The following ZNF415 variants were observed in gnomAD, a reference collection of about 807,000 sequenced individuals.
The protein encoded by ZNF415 is zinc finger protein 415.
ZNF415 carries 5 observed loss-of-function variants against 7.3 expected under a neutral mutation model. The observed-to-expected ratio is 0.69, with a 90% CI of 0.36 to 1.44. ZNF415 has a LOEUF of 1.44. ZNF415 is among the 40% of genes most tolerant of loss of function. ZNF415 has a pLI of 0.04. For synonymous variants in ZNF415, 207 were observed against 226.3 expected (o/e 0.91, Z 0.77); for missense variants, 628 against 664.8 (o/e 0.94, Z 0.61).
intron 1 of ZNF415, among the ~76,000 whole-genome samples, chr19:53,127,232 C>T (rs924348664): frequency 6.6e-6 from 1 of 151,894 alleles, no homozygotes; most frequent in Non-Finnish European, 1.5e-5. Flanking sequence ...TTAGGATCCC[C>T]GTTGCCCTCT....
chr19:53,109,481 AT>A lies in ZNF415; in HGVS notation c.563del (p.His188LeufsTer38), dbSNP rs1347779126. On this transcript the variant is annotated frameshift_variant, in exon 4 of 4. Transcript: ENST00000243643. LOFTEE classifies it low-confidence loss of function (END_TRUNC). ...PQIISSTIKT[H>X]VSNKYGTDFI... ...AATCAGTCCCATATTTATTAGAAAC[AT>A]GGGTTTTGATGGTAGAAGAAATTAT... 1 of 1,614,084 alleles carries A rather than the reference AT, an allele frequency of 6.2e-7. No individual in the cohort carries two copies. The highest frequency in any genetic ancestry group is 1.1e-5 in the South Asian group (1 of 91,074).
In ZNF415 at chr19:53,109,540, C is replaced by T. The variant is rs758537522; in HGVS notation, c.505G>A (p.Val169Ile). ...GGTGAAACTGAGGAACCATGGTTGA[C>T]AGACTTCTCAACATGGTTACATTCA... ...IYECNHVEKSVNHGSSVSPPQ... is the reference protein window; with the variant it reads ...IYECNHVEKSINHGSSVSPPQ... Residue 169 changes from valine to isoleucine, a missense_variant, in exon 4 of 4, where the codon GTC becomes ATC. By Grantham distance (29) the Val-to-Ile change is conservative. Coordinates refer to ENST00000243643, the MANE Select transcript of ZNF415 (RefSeq NM_018355.4). 9.3e-6 allele frequency: 15 copies of T among 1,613,996 alleles called. No homozygotes were observed. The South Asian group carries it at 1.5e-4, about 17-fold the overall frequency.
At chr19:53,113,254 ATCCC>A in intron 3 of ZNF415, among the ~76,000 whole-genome samples, 1 of 97,354 alleles carries the variant, frequency 1.0e-5, no homozygotes. Context: ...CACGCCTGTA[ATCCC>A]AGCACTTTGG....
intron 2 of ZNF415, among the ~76,000 whole-genome samples, chr19:53,119,750 AG>A (rs746137510): frequency 2.3e-4 from 35 of 152,034 alleles, no homozygotes; most frequent in Non-Finnish European, 4.6e-4. Context: ...GAAATATAAA[AG>A]ATCATCAGAG....
chr19:53,120,954 C>T (rs148763381), intron 2 of ZNF415, among the ~76,000 whole-genome samples: 3,203 of 151,432 alleles, frequency 0.021, 105 homozygotes, highest in African/African-American at 0.072. Flanking sequence ...TGTGGTGGCG[C>T]GTGCCTGTAA....
rs144250259 is a variant in ZNF415, at chr19:53,108,548, A to G, written c.1497T>C (p.Asn499=). The part of the protein sequence containing the change: ...IHTGEKPYKC[N]ECGKSFSVRP... Reference sequence around the variant, plus strand: ...GCACACTAAAGGATTTGCCACACTCATTACATTTGTAAGGTTTTTCTCCAG... The same window carrying G: ...GCACACTAAAGGATTTGCCACACTCGTTACATTTGTAAGGTTTTTCTCCAG... Residue 499 remains asparagine (N), a synonymous_variant, in exon 4 of 4, where the codon AAT becomes AAC. Coordinates refer to ENST00000243643, the MANE Select transcript of ZNF415 (RefSeq NM_018355.4). The G allele has an allele frequency of 1.8e-5, 29 of 1,614,022 alleles. No individual in the cohort carries two copies. The African/African-American group carries it at 3.2e-4, about 18-fold the overall frequency.
intron 2 of ZNF415, among the ~76,000 whole-genome samples, chr19:53,117,014 T>C (rs1250889525): frequency 1.3e-5 from 2 of 152,160 alleles, no homozygotes; most frequent in Non-Finnish European, 2.9e-5. Context: ...AACAAAATAA[T>C]AACCAAAAAC....
At chr19:53,120,838 C>G (rs964545103) in intron 2 of ZNF415, among the ~76,000 whole-genome samples, 1 of 152,026 alleles carries the variant, frequency 6.6e-6, no homozygotes, top group African/African-American at 2.4e-5. Flanking sequence ...CTAATCCCAG[C>G]ACTTTGGGAG....
intron 1 of ZNF415, chr19:53,129,853 C>A: frequency 2.7e-6 from 1 of 369,456 alleles, no homozygotes; most frequent in Non-Finnish European, 4.8e-6. Flanking sequence ...TACTTGAGGC[C>A]AGGAGTTTGA....
chr19:53,115,335 C>CAA (rs11434848), intron 3 of ZNF415: 123 of 192,382 alleles, frequency 6.4e-4, no homozygotes, highest in East Asian at 2.7e-3. Flanking sequence ...AACTCCATCT[C>CAA]AAAAAAAAAA....
chr19:53,113,496 A>G lies in ZNF415; in HGVS notation c.136+2817T>C, dbSNP rs576724507. Reference sequence around the variant, plus strand: ...CACTCCAGCCTGGGCGACAGAGCGAAACTCCGTCTCAAAAAAAAAAAAAAA... The same window carrying G: ...CACTCCAGCCTGGGCGACAGAGCGAGACTCCGTCTCAAAAAAAAAAAAAAA... On this transcript the variant is annotated intron_variant, in intron 3 of 3. Coordinates refer to ENST00000243643, the MANE Select transcript of ZNF415 (RefSeq NM_018355.4). 7.3e-3 allele frequency among the ~76,000 whole-genome samples: 167 copies of G among 22,852 alleles called. 38 individuals are homozygous for G. Among genetic ancestry groups the G allele is most frequent in the Non-Finnish European group, 0.013 (150 of 11,924 alleles). 15.0% of individuals were successfully genotyped at this position (22,852 alleles called of 152,430 possible).
Position 53,108,380 on chromosome 19 carries a change from A to G in ZNF415, c.1665T>C (p.Asn555=). Residue 555 remains asparagine (N), a synonymous_variant, in exon 4 of 4, where the codon AAT becomes AAC. Coordinates refer to ENST00000243643, the MANE Select transcript of ZNF415 (RefSeq NM_018355.4). ...IHTKEKPYKR[N] ...TTTGACTGAAGACCTTGCCATATTA[A>G]TTTCTTTTATAAGGTTTCTCCTTAG... The G allele has an allele frequency of 1.3e-6, 2 of 1,595,364 alleles. No homozygotes were observed. Among genetic ancestry groups the G allele is most frequent in the South Asian group, 2.3e-5 (2 of 87,956 alleles).
At chr19:53,122,548 A>C in intron 2 of ZNF415, 114 bp downstream of exon 2, 1 of 1,601,738 alleles carries the variant, frequency 6.2e-7, no homozygotes, top group South Asian at 1.1e-5. Flanking sequence ...CAATGTGAGC[A>C]AACGCGTCAG....
intron 3 of ZNF415, among the ~76,000 whole-genome samples, chr19:53,110,789 A>G (rs533940238): frequency 4.2e-4 from 64 of 152,324 alleles, no homozygotes; most frequent in African/African-American, 1.5e-3. Flanking sequence ...AGGTAAACAC[A>G]TAGCATTATA....
chr19:53,118,150 A>T (rs1295696109), intron 2 of ZNF415, among the ~76,000 whole-genome samples: 1 of 152,146 alleles, frequency 6.6e-6, no homozygotes, highest in Non-Finnish European at 1.5e-5. Flanking sequence ...AAGCAAGCAG[A>T]AGTACCTCTA....
intron 3 of ZNF415, among the ~76,000 whole-genome samples, chr19:53,115,498 G>C (rs2086882451): frequency 6.6e-6 from 1 of 152,070 alleles, no homozygotes; most frequent in Admixed American, 6.6e-5. Flanking sequence ...ATTTGTCTCT[G>C]TTTGAGCTGC....
chr19:53,119,154 C>T (rs565641377), intron 2 of ZNF415, among the ~76,000 whole-genome samples: 18 of 151,856 alleles, frequency 1.2e-4, no homozygotes, highest in African/African-American at 3.9e-4. Context: ...TGGTGGTGGG[C>T]GCCTGTAGTC....
chr19:53,131,915 C>T (rs1323820025), intron 1 of ZNF415, among the ~76,000 whole-genome samples: 1 of 151,850 alleles, frequency 6.6e-6, no homozygotes, highest in Non-Finnish European at 1.5e-5. Flanking sequence ...TCCTTGTCAT[C>T]GGCTGCCCCC....
intron 3 of ZNF415, among the ~76,000 whole-genome samples, chr19:53,113,086 T>A (rs371876065): frequency 7.0e-6 from 1 of 142,276 alleles, no homozygotes; most frequent in Non-Finnish European, 1.5e-5. Flanking sequence ...AACTCCATCT[T>A]AAAAAAAAAA....
Sources: gnomAD v4.1 joint callset for allele counts (sites outside exome capture counted in the v4.1 genomes callset) on GRCh38, gnomAD v4.1.1 for gene constraint, MANE v1.5 for transcripts, NCBI Gene and HGNC (gene_info 2026-07-23, HGNC 2026-07-21) for gene names.